CBFA2T3: variants seen among roughly 807,000 people sequenced by gnomAD.
CBFA2T3 encodes CBFA2/RUNX1 partner transcriptional co-repressor 3.
CBFA2T3 carries 31 observed loss-of-function variants against 58.6 expected under a neutral mutation model. The observed-to-expected ratio is 0.53, with a 90% CI of 0.40 to 0.71. CBFA2T3 has a LOEUF of 0.71. Among genes scored for constraint, CBFA2T3 ranks in the 30% least tolerant of loss-of-function variants. The pLI, the probability that CBFA2T3 is intolerant of heterozygous loss-of-function variation, is 0.00. For missense variants in CBFA2T3, 1,076 were observed against 963.1 expected (o/e 1.12, Z -1.55); for synonymous variants, 531 against 421.9 (o/e 1.26, Z -3.17).
At chr16:88,881,717 A>G in intron 8 of CBFA2T3, 1 of 504,498 alleles carries the variant, frequency 2.0e-6, no homozygotes, top group Non-Finnish European at 3.5e-6. Flanking sequence ...ACACGTGCCT[A>G]GACGCACGCA....
At position 88,875,073 on chromosome 16, in the gene CBFA2T3, G is replaced by A. The variant is rs950777661; in HGVS notation, c.*1903C>T. Reference sequence around the variant, plus strand: ...GCCACGCACACAGATGCCAGGCCACGGGCCACGCCACGCGCACAGATGCCA... The same window carrying A: ...GCCACGCACACAGATGCCAGGCCACAGGCCACGCCACGCGCACAGATGCCA... On this transcript the variant is annotated 3_prime_UTR_variant, in exon 12 of 12. Coordinates refer to ENST00000268679, the MANE Select transcript of CBFA2T3 (RefSeq NM_005187.6). 2.1e-5 allele frequency: 5 copies of A among 234,884 alleles called. No individual in the cohort carries two copies. The highest frequency in any genetic ancestry group is 2.5e-3 in the Middle Eastern group (2 of 816). The allele number at this position is 234,884 out of a possible 1,614,324, so 14.5% of individuals were successfully genotyped here.
At chr16:88,878,629 CTCCTGTTCTCACAG>C (rs1567571421) in intron 11 of CBFA2T3, among the ~76,000 whole-genome samples, 1 of 152,230 alleles carries the variant, frequency 6.6e-6, no homozygotes, top group African/African-American at 2.4e-5. Flanking sequence ...CTCCTGGATC[CTCCTGTTCTCACAG>C]GCTAGAGAAC....
At chr16:88,941,642 C>G (rs1221046609) in intron 1 of CBFA2T3, 2 of 146,146 alleles carry the variant, frequency 1.4e-5, no homozygotes, top group Non-Finnish European at 3.0e-5. Context: ...CGGGGGGCGG[C>G]GCGGGGAGGC....
intron 3 of CBFA2T3, among the ~76,000 whole-genome samples, chr16:88,895,078 G>C (rs1334866717): frequency 6.6e-6 from 1 of 152,184 alleles, no homozygotes; most frequent in Non-Finnish European, 1.5e-5. Flanking sequence ...GGGACGTGGG[G>C]ACCTACATGC....
At chr16:88,878,217 C>A (rs752109647) in intron 11 of CBFA2T3, among the ~76,000 whole-genome samples, 2 of 152,272 alleles carry the variant, frequency 1.3e-5, no homozygotes, top group African/African-American at 2.4e-5. Flanking sequence ...GCACGCCTCA[C>A]TTCTGCGTTT....
intron 1 of CBFA2T3, among the ~76,000 whole-genome samples, chr16:88,963,957 A>T (rs1972430821): frequency 6.6e-6 from 1 of 152,200 alleles, no homozygotes. Flanking sequence ...CTTGCAGTGC[A>T]TCTTGAGAAA....
chr16:88,889,423 G>A (rs928722005), intron 5 of CBFA2T3, among the ~76,000 whole-genome samples: 5 of 150,488 alleles, frequency 3.3e-5, no homozygotes, highest in African/African-American at 1.2e-4. Flanking sequence ...GAGGGAGCGA[G>A]GGTGGGAACA....
intron 1 of CBFA2T3, among the ~76,000 whole-genome samples, chr16:88,904,463 C>T (rs528282157): frequency 1.1e-4 from 17 of 152,248 alleles, no homozygotes; most frequent in Non-Finnish European, 1.9e-4. Flanking sequence ...GTTGCCCCCA[C>T]AGGGCCAGGA....
chr16:88,913,309 A>G (rs1446741987), intron 1 of CBFA2T3, among the ~76,000 whole-genome samples: 1 of 152,264 alleles, frequency 6.6e-6, no homozygotes, highest in African/African-American at 2.4e-5. Flanking sequence ...ACCACGGACC[A>G]GCCAGCAAAC....
At chr16:88,965,037 CTCCA>C (rs987127297) in intron 1 of CBFA2T3, among the ~76,000 whole-genome samples, 3 of 148,072 alleles carry the variant, frequency 2.0e-5, no homozygotes, top group African/African-American at 7.5e-5. Flanking sequence ...CTATGCACTT[CTCCA>C]TCCATCCATC....
At chr16:88,914,969 C>T (rs542857381) in intron 1 of CBFA2T3, among the ~76,000 whole-genome samples, 2,141 of 102,230 alleles carry the variant, frequency 0.021, 22 homozygotes, top group Non-Finnish European at 0.033. Flanking sequence ...CGCCCGCTGC[C>T]GGGGCGGGGT....
chr16:88,892,394 T>C lies in CBFA2T3; in HGVS notation c.471A>G (p.Thr157=). Residue 157 remains threonine, a synonymous_variant, in exon 4 of 12, where the codon ACA becomes ACG. Transcript: ENST00000268679. The part of the protein sequence containing the change: ...GFSNGPATSS[T]ASLSTQHLPP... Reference sequence around the variant, plus strand: ...GCAGGTGCTGTGTGGACAAGGAGGCTGTGGACGAGGTGGCCGGGCCATTGC... The same window carrying C: ...GCAGGTGCTGTGTGGACAAGGAGGCCGTGGACGAGGTGGCCGGGCCATTGC... 1 of 1,613,526 alleles carries C rather than the reference T, an allele frequency of 6.2e-7. No individual in the cohort carries two copies.
chr16:88,926,894 C>T (rs1462668666), intron 1 of CBFA2T3, among the ~76,000 whole-genome samples: 1 of 152,214 alleles, frequency 6.6e-6, no homozygotes, highest in Non-Finnish European at 1.5e-5. Context: ...GCAGGGCAGC[C>T]CCGTCCGGCC....
chr16:88,965,004 C>A (rs1972462082), intron 1 of CBFA2T3, among the ~76,000 whole-genome samples: 1 of 151,464 alleles, frequency 6.6e-6, no homozygotes, highest in Non-Finnish European at 1.5e-5. Context: ...ATTTATCCAT[C>A]TATCCATCCA....
At chr16:88,878,996 TC>T (rs894379855) in intron 11 of CBFA2T3, among the ~76,000 whole-genome samples, 1 of 152,162 alleles carries the variant, frequency 6.6e-6, no homozygotes, top group African/African-American at 2.4e-5. Context: ...CCCCACCGCT[TC>T]CCAAGGCCGT....
rs536702533 is a variant in CBFA2T3 at position 88,971,836 on chromosome 16, C to G, written c.151+4821G>C. On this transcript the variant is annotated intron_variant, in intron 1 of 11. Coordinates refer to ENST00000268679, the MANE Select transcript of CBFA2T3 (RefSeq NM_005187.6). ...CAATCGGCCTCTCCCTGAGGCCGCT[C>G]TTCCTGCCTGCGCCTCCCCGGTCAA... is the stretch of plus-strand genomic sequence containing the variant. Among the ~76,000 whole-genome samples, 11 of 152,366 alleles carry G rather than the reference C, an allele frequency of 7.2e-5. No homozygotes were observed. In the East Asian group the frequency reaches 1.9e-3, roughly 27 times the overall value.
At chr16:88,877,852 A>G (rs1000267779) in intron 11 of CBFA2T3, among the ~76,000 whole-genome samples, 2 of 152,168 alleles carry the variant, frequency 1.3e-5, no homozygotes, top group African/African-American at 4.8e-5. Context: ...ACAAAGCCTG[A>G]GCATATTTCT....
intron 3 of CBFA2T3, among the ~76,000 whole-genome samples, chr16:88,893,304 C>A (rs1597682496): frequency 6.7e-6 from 1 of 149,116 alleles, no homozygotes; most frequent in Non-Finnish European, 1.5e-5. Flanking sequence ...AATGTGCCCC[C>A]CCCGACACAC....
intron 8 of CBFA2T3, among the ~76,000 whole-genome samples, chr16:88,882,428 TGTGTGG>T (rs1177445879): frequency 1.3e-5 from 2 of 149,400 alleles, no homozygotes; most frequent in South Asian, 2.1e-4. Context: ...TGTATGGCTG[TGTGTGG>T]GTGTGGCTGT....
Sources: allele counts gnomAD v4.1 joint callset (sites outside exome capture counted in the v4.1 genomes callset), GRCh38; gene constraint gnomAD v4.1.1; transcripts MANE v1.5; gene names NCBI Gene and HGNC (gene_info 2026-07-23, HGNC 2026-07-21).